The following KIAA0753 variants were observed in gnomAD, a reference collection of about 807,000 sequenced individuals.
KIAA0753 encodes KIAA0753.
A neutral mutation model predicts 116.9 loss-of-function variants in KIAA0753; 114 were observed. The ratio of observed to expected loss-of-function variants is 0.98; its 90% CI spans 0.84 to 1.14. KIAA0753 has a LOEUF of 1.14. KIAA0753 is among the 50% of genes most tolerant of loss of function. The pLI is 0.00. For missense variants in KIAA0753, 1,156 were observed against 1,172.4 expected, an observed-to-expected ratio of 0.99 and a Z score of 0.20; for synonymous variants, 405 against 413.1, an observed-to-expected ratio of 0.98 and a Z score of 0.24.
chr17:6,612,591 G>A (rs905030339), intron 7 of KIAA0753, among the ~76,000 whole-genome samples: 2 of 152,208 alleles, frequency 1.3e-5, no homozygotes, highest in African/African-American at 4.8e-5. Flanking sequence ...CTTCTGGCCA[G>A]GGGCGGTGGC....
At chr17:6,581,368 T>G (rs142984967) in intron 18 of KIAA0753, among the ~76,000 whole-genome samples, 1 of 152,164 alleles carries the variant, frequency 6.6e-6, no homozygotes, top group African/African-American at 2.4e-5. Context: ...CACAGAAGGA[T>G]AGTGTGTCCC....
chr17:6,633,522 A>T (rs1360110785), intron 2 of KIAA0753, among the ~76,000 whole-genome samples: 1 of 152,152 alleles, frequency 6.6e-6, no homozygotes, highest in Non-Finnish European at 1.5e-5. Context: ...ATGACTCAGC[A>T]ATTTCACTGT....
At chr17:6,622,627 A>G (rs1050667363) in intron 6 of KIAA0753, among the ~76,000 whole-genome samples, 1 of 152,264 alleles carries the variant, frequency 6.6e-6, no homozygotes, top group Non-Finnish European at 1.5e-5. Context: ...CATTCTGTTT[A>G]GTTAATGAAC....
chr17:6,607,075 G>A, intron 11 of KIAA0753, 106 bp downstream of exon 11: 1 of 1,381,258 alleles, frequency 7.2e-7, no homozygotes, highest in African/African-American at 1.4e-5. Context: ...AGTCTTTTAA[G>A]GAGGCAGAAG....
intron 12 of KIAA0753, among the ~76,000 whole-genome samples, chr17:6,602,605 G>C (rs1376069927): frequency 6.6e-6 from 1 of 152,212 alleles, no homozygotes; most frequent in African/African-American, 2.4e-5. Context: ...GCCTCCGTGA[G>C]GGATGGGGGT....
chr17:6,628,695 A>G lies in KIAA0753; in HGVS notation c.140T>C (p.Leu47Ser). 2 of 1,613,382 alleles carry G rather than the reference A, an allele frequency of 1.2e-6. No individual in the cohort carries two copies. Among genetic ancestry groups the G allele is most frequent in the Non-Finnish European group, 1.7e-6 (2 of 1,179,722 alleles). Residue 47 changes from leucine (L) to serine (S), a missense_variant, in exon 3 of 19, where the codon TTG (leucine) becomes TCG (serine). By Grantham distance (145) the Leu-to-Ser change is moderately radical (BLOSUM62 -2). Transcript: ENST00000361413. ...ATGTGGGCAAGAATATCGGATCGCC[A>G]AGTTGCTTGAATGTGTAGGAACATT... is the stretch of plus-strand genomic sequence containing the variant. ...NRNVPTHSSNLAIRYSCPHAI... is the reference protein window; with the variant it reads ...NRNVPTHSSNSAIRYSCPHAI...
At chr17:6,596,429 A>C in intron 14 of KIAA0753, 86 bp from the exon 15 acceptor site, 2 of 1,065,116 alleles carry the variant, frequency 1.9e-6, no homozygotes, top group East Asian at 5.2e-5. Flanking sequence ...AAAACATAAA[A>C]ATTATTGTTA....
At chr17:6,608,143 A>G (rs1302322693) in intron 10 of KIAA0753, among the ~76,000 whole-genome samples, 3 of 152,232 alleles carry the variant, frequency 2.0e-5, no homozygotes, top group Admixed American at 2.0e-4. Flanking sequence ...ATGAATAAGA[A>G]AAAATAGAAG....
chr17:6,589,821 T>C lies in KIAA0753; in HGVS notation c.2744A>G (p.His915Arg). ...CGGGTTGAAGGAGCCTACAGCCTCA[T>C]GAGATATGATCCGAAGGTACTGCTC... is the stretch of plus-strand genomic sequence containing the variant. Reference protein sequence around the residue: ...RFEQYLRIISHEAVGSFNPWL... With the variant: ...RFEQYLRIISREAVGSFNPWL... The change falls in exon 18 of 19, where the codon CAT becomes CGT. Residue 915 changes from histidine to arginine, a missense_variant. His to Arg is a conservative substitution (Grantham distance 29). Transcript: ENST00000361413. 3 of 1,607,266 alleles carry C rather than the reference T, an allele frequency of 1.9e-6. 1 individual carries two copies. Among genetic ancestry groups the C allele is most frequent in the Non-Finnish European group, 8.5e-7 (1 of 1,173,908 alleles).
intron 4 of KIAA0753, 111 bp downstream of exon 4, chr17:6,624,644 T>G (rs1971548615): frequency 4.5e-6 from 3 of 662,150 alleles, no homozygotes; most frequent in Non-Finnish European, 7.9e-6. Flanking sequence ...CTGTCAGAAC[T>G]CATATGGGAT....
chr17:6,623,136 C>G, intron 5 of KIAA0753, 39 bp from the exon 6 acceptor site: 1 of 1,541,304 alleles, frequency 6.5e-7, no homozygotes, highest in Non-Finnish European at 8.9e-7. Flanking sequence ...TTTCCATACT[C>G]AGAACTTGCT....
At position 6,623,581 on chromosome 17, in the gene KIAA0753, A is replaced by G; in HGVS notation, c.826-10T>C. On this transcript the variant is annotated splice_polypyrimidine_tract_variant and intron_variant, in intron 4 of 18. Coordinates refer to ENST00000361413, the MANE Select transcript of KIAA0753 (RefSeq NM_014804.3). Reference sequence around the variant, plus strand: ...CCTGGATTTCTTTTACCTGTTTTGTAAAGGGGAAAAAAGAAAACTTCATAC... The same window carrying G: ...CCTGGATTTCTTTTACCTGTTTTGTGAAGGGGAAAAAAGAAAACTTCATAC... 1 of 1,605,148 alleles carries G rather than the reference A, an allele frequency of 6.2e-7. No homozygotes were observed. The highest frequency in any genetic ancestry group is 2.2e-5 in the East Asian group (1 of 44,680).
chr17:6,581,140 T>C (rs1042284891), intron 18 of KIAA0753, among the ~76,000 whole-genome samples: 1 of 152,224 alleles, frequency 6.6e-6, no homozygotes, highest in African/African-American at 2.4e-5. Context: ...AATTTTTTGC[T>C]AGTCCAAGGT....
intron 4 of KIAA0753, chr17:6,623,986 G>A (rs189284838): frequency 1.6e-4 from 25 of 155,700 alleles, no homozygotes; most frequent in Middle Eastern, 3.3e-3. Context: ...CAATCTCTAC[G>A]GCAGCAGTGT....
At chr17:6,606,256 A>G (rs993377754) in intron 12 of KIAA0753, among the ~76,000 whole-genome samples, 5 of 152,042 alleles carry the variant, frequency 3.3e-5, no homozygotes, top group African/African-American at 1.2e-4. Flanking sequence ...GAGACTGAAC[A>G]CTCCATCATG....
intron 2 of KIAA0753, among the ~76,000 whole-genome samples, chr17:6,630,723 T>C (rs182325618): frequency 1.1e-4 from 17 of 152,264 alleles, no homozygotes; most frequent in Middle Eastern, 3.4e-3. Flanking sequence ...ATCCACAAAC[T>C]GGAGTAAAAT....
intron 7 of KIAA0753, among the ~76,000 whole-genome samples, chr17:6,615,274 C>T (rs1970813733): frequency 6.6e-6 from 1 of 152,180 alleles, no homozygotes; most frequent in South Asian, 2.1e-4. Context: ...TAGACGCTCC[C>T]TGCCTGTTAG....
At chr17:6,619,458 ACT>A (rs1436585057) in intron 7 of KIAA0753, among the ~76,000 whole-genome samples, 1 of 151,206 alleles carries the variant, frequency 6.6e-6, no homozygotes, top group Non-Finnish European at 1.5e-5. Flanking sequence ...TCAAGGGTTC[ACT>A]CTGTCACCCA....
chr17:6,580,686 G>C (rs933468127), intron 18 of KIAA0753, among the ~76,000 whole-genome samples: 2 of 152,162 alleles, frequency 1.3e-5, no homozygotes, highest in Non-Finnish European at 2.9e-5. Flanking sequence ...GTGGTGCTTA[G>C]ATCCCAAAGT....
Sources: allele counts gnomAD v4.1 joint callset (sites outside exome capture counted in the v4.1 genomes callset), GRCh38; gene constraint gnomAD v4.1.1; transcripts MANE v1.5; gene names NCBI Gene and HGNC (gene_info 2026-07-23, HGNC 2026-07-21).